The following CTNNBL1 variants were observed in gnomAD, a reference collection of about 807,000 sequenced individuals.
The protein encoded by CTNNBL1 is catenin beta like 1.
Under a neutral mutation model 72.7 loss-of-function variants are expected in CTNNBL1, and 31 were observed. That is an observed-to-expected ratio of 0.43 (90% confidence interval 0.32 to 0.58). The LOEUF (loss-of-function observed/expected upper bound fraction) is 0.58. CTNNBL1 is among the 20% of genes least tolerant of loss of function. The probability of loss-of-function intolerance (pLI) is 0.08; values close to 1 mark genes in which losing one functional copy is unlikely to be tolerated. For missense variants in CTNNBL1, 534 were observed against 725.1 expected, an observed-to-expected ratio of 0.74 and a Z score of 3.03; for synonymous variants, 240 against 267.3, an observed-to-expected ratio of 0.90 and a Z score of 1.00.
intron 4 of CTNNBL1, chr20:37,750,177 A>T (rs1216419387): frequency 1.3e-5 from 2 of 152,168 alleles, no homozygotes; most frequent in African/African-American, 4.8e-5. Context: ...GCAGCTTCAG[A>T]GTTTATTCTG....
At chr20:37,739,372 T>C (rs1389815597) in intron 3 of CTNNBL1, among the ~76,000 whole-genome samples, 3 of 152,194 alleles carry the variant, frequency 2.0e-5, no homozygotes, top group African/African-American at 2.4e-5. Context: ...CTTGTGTTTT[T>C]TTAATTGGTG....
intron 11 of CTNNBL1, among the ~76,000 whole-genome samples, chr20:37,830,817 AT>A: frequency 6.6e-6 from 1 of 152,268 alleles, no homozygotes; most frequent in South Asian, 2.1e-4. Context: ...AACCTATTTT[AT>A]TTTTTTAAAA....
chr20:37,811,071 A>AT (rs1211037777), intron 11 of CTNNBL1, among the ~76,000 whole-genome samples: 1 of 152,080 alleles, frequency 6.6e-6, no homozygotes, highest in Non-Finnish European at 1.5e-5. Flanking sequence ...TCCTCCTTCT[A>AT]TGTTGGTAAT....
intron 1 of CTNNBL1, among the ~76,000 whole-genome samples, chr20:37,700,861 A>T (rs913121944): frequency 1.3e-5 from 2 of 152,138 alleles, no homozygotes; most frequent in South Asian, 2.1e-4. Flanking sequence ...TTTTGGTGAT[A>T]TTGCAGACAC....
At chr20:37,854,604 ATTT>A (rs1212573662) in intron 13 of CTNNBL1, among the ~76,000 whole-genome samples, 1 of 114,536 alleles carries the variant, frequency 8.7e-6, no homozygotes, top group Non-Finnish European at 1.8e-5. Flanking sequence ...TATTATTATT[ATTT>A]GAGACGGAGT....
intron 13 of CTNNBL1, among the ~76,000 whole-genome samples, chr20:37,852,480 G>T (rs1216655781): frequency 6.6e-6 from 1 of 152,158 alleles, no homozygotes; most frequent in Non-Finnish European, 1.5e-5. Flanking sequence ...GGTGAAGTGT[G>T]TCTCCAGCTT....
chr20:37,826,206 C>A (rs2072158338), intron 11 of CTNNBL1, among the ~76,000 whole-genome samples: 1 of 152,212 alleles, frequency 6.6e-6, no homozygotes, highest in Non-Finnish European at 1.5e-5. Flanking sequence ...TACATACTCA[C>A]TTCTTGCTGC....
intron 15 of CTNNBL1, 51 bp from the exon 16 acceptor site, chr20:37,871,874 G>A (rs753251399): frequency 9.4e-6 from 14 of 1,496,578 alleles, no homozygotes; most frequent in Admixed American, 3.3e-5. Flanking sequence ...ACGCAGCCAC[G>A]GTGGATGCCA....
chr20:37,766,256 A>G (rs1156340190), intron 6 of CTNNBL1, among the ~76,000 whole-genome samples: 3 of 152,208 alleles, frequency 2.0e-5, no homozygotes, highest in East Asian at 1.9e-4. Flanking sequence ...TGCGGTATCA[A>G]AAGTCTGTTA....
intron 1 of CTNNBL1, among the ~76,000 whole-genome samples, chr20:37,731,817 A>G (rs1198568389): frequency 6.6e-6 from 1 of 152,170 alleles, no homozygotes; most frequent in East Asian, 1.9e-4. Context: ...CCATTCATCT[A>G]GTGACGGACA....
At chr20:37,788,212 C>T (rs2073695172) in intron 10 of CTNNBL1, among the ~76,000 whole-genome samples, 1 of 152,156 alleles carries the variant, frequency 6.6e-6, no homozygotes, top group Non-Finnish European at 1.5e-5. Flanking sequence ...CTGCACCATG[C>T]ATGGTAAGTT....
intron 1 of CTNNBL1, among the ~76,000 whole-genome samples, chr20:37,703,368 T>C (rs2072859650): frequency 6.6e-6 from 1 of 152,260 alleles, no homozygotes; most frequent in African/African-American, 2.4e-5. Context: ...TTATCTTTCA[T>C]GTTGAAGAGT....
At chr20:37,719,678 TA>T (rs773324047) in intron 1 of CTNNBL1, among the ~76,000 whole-genome samples, 6 of 152,222 alleles carry the variant, frequency 3.9e-5, no homozygotes, top group Non-Finnish European at 7.3e-5. Flanking sequence ...GGATTTATCT[TA>T]CTTTTTAAAT....
At chr20:37,854,775 A>T (rs992658786) in intron 13 of CTNNBL1, among the ~76,000 whole-genome samples, 5 of 151,730 alleles carry the variant, frequency 3.3e-5, no homozygotes, top group Admixed American at 1.3e-4. Flanking sequence ...TTTTAGTAGA[A>T]ACAGGGTTTC....
At chr20:37,727,561 T>G (rs1428181425) in intron 1 of CTNNBL1, among the ~76,000 whole-genome samples, 1 of 152,234 alleles carries the variant, frequency 6.6e-6, no homozygotes, top group Admixed American at 6.5e-5. Flanking sequence ...AGTTAAGAGT[T>G]AATCATTTTT....
intron 1 of CTNNBL1, among the ~76,000 whole-genome samples, chr20:37,731,422 A>G (rs569142925): frequency 3.9e-4 from 59 of 152,186 alleles, no homozygotes; most frequent in African/African-American, 1.4e-3. Flanking sequence ...TTTAGCAGAG[A>G]TGGGGTTTCT....
In CTNNBL1 at chr20:37,743,150, T is replaced by A. The variant is rs545972371; in HGVS notation, c.327-3318T>A. The stretch of plus-strand genomic sequence containing the variant: ...TCTTATACTGCACTCAGCACAATTT[T>A]TTTTTTTTTTTTTACTGTTTAGTGC... On this transcript the variant is annotated intron_variant, in intron 3 of 15. Coordinates refer to ENST00000361383, the MANE Select transcript of CTNNBL1 (RefSeq NM_030877.5). 1.2e-4 allele frequency among the ~76,000 whole-genome samples: 18 copies of A among 151,988 alleles called. 1 individual carries two copies. In the South Asian group the frequency reaches 3.7e-3, roughly 32 times the overall value.
intron 1 of CTNNBL1, among the ~76,000 whole-genome samples, chr20:37,707,549 C>A (rs2072897571): frequency 6.6e-6 from 1 of 152,222 alleles, no homozygotes; most frequent in South Asian, 2.1e-4. Context: ...GAGTTAGGGC[C>A]TTGCTCTGGA....
intron 5 of CTNNBL1, among the ~76,000 whole-genome samples, chr20:37,764,830 A>ACC (rs931768496): frequency 3.9e-5 from 6 of 152,192 alleles, no homozygotes; most frequent in Admixed American, 6.5e-5. Context: ...CTGACTTAAG[A>ACC]TGGCATTCTC....
Sources: gnomAD v4.1 joint callset for allele counts (sites outside exome capture counted in the v4.1 genomes callset) on GRCh38, gnomAD v4.1.1 for gene constraint, MANE v1.5 for transcripts, NCBI Gene and HGNC (gene_info 2026-07-23, HGNC 2026-07-21) for gene names.